The following FAT4 variants were observed in gnomAD, a reference collection of about 807,000 sequenced individuals.
FAT4 encodes FAT atypical cadherin 4.
In FAT4, 84 loss-of-function variants were observed where a neutral mutation model predicts 303.9. That is an observed-to-expected ratio of 0.28 (90% CI 0.23 to 0.33). The LOEUF (loss-of-function observed/expected upper bound fraction) is 0.33. Among genes scored for constraint, FAT4 ranks in the 10% least tolerant of loss-of-function variants. The pLI is 1.00. For synonymous variants in FAT4, 2,307 were observed against 2,298.8 expected (o/e 1.00, Z -0.10); for missense variants, 6,005 against 6,146.8 (o/e 0.98, Z 0.77).
In FAT4 at chr4:125,318,539, A is replaced by G. The variant is rs1730754955; in HGVS notation, c.2128A>G (p.Thr710Ala). ...ENEPGGSYIT[T>A]VSATDPDLGT... ...TGAGCCTGGAGGTAGCTACATCACC[A>G]CTGTGTCTGCCACTGACCCAGACTT... Residue 710 changes from threonine to alanine, a missense_variant, in exon 2 of 18, where the codon ACT (threonine) becomes GCT (alanine). Coordinates refer to ENST00000394329, the MANE Select transcript of FAT4 (RefSeq NM_001291303.3). 1 of 1,613,988 alleles carries G rather than the reference A, an allele frequency of 6.2e-7. No individual in the cohort carries two copies. The highest frequency in any genetic ancestry group is 8.5e-7 in the Non-Finnish European group (1 of 1,180,030).
chr4:125,451,219 A>G lies in FAT4; in HGVS notation c.10209A>G (p.Pro3403=). The stretch of plus-strand genomic sequence containing the variant: ...TCACCGTGCTTGATGCAAATGACCC[A>G]CCCATTTTTACTCTAAACATCTACA... ...VNVTVLDAND[P]PIFTLNIYSV... Residue 3403 remains proline (P), a synonymous_variant, in exon 10 of 18, where the codon CCA becomes CCG. Coordinates refer to ENST00000394329, the MANE Select transcript of FAT4 (RefSeq NM_001291303.3). 1 of 1,614,096 alleles carries G rather than the reference A, an allele frequency of 6.2e-7. No homozygotes were observed. The highest frequency in any genetic ancestry group is 8.5e-7 in the Non-Finnish European group (1 of 1,180,000).
In FAT4 at chr4:125,481,615, A is replaced by C. The variant is rs1727231350; in HGVS notation, c.12699A>C (p.Gln4233His). The change falls in exon 16 of 18, where the codon CAA (glutamine) becomes CAC (histidine). Residue 4233 changes from glutamine to histidine, a missense_variant. Coordinates refer to ENST00000394329, the MANE Select transcript of FAT4 (RefSeq NM_001291303.3). ...QNEKREYLLR[Q>H]SLRGAMLEPF... Reference sequence around the variant, plus strand: ...AGAAGCGGGAATATTTGTTAAGGCAAAGCTTACGAGGTGCCATGTTGGAGC... The same window carrying C: ...AGAAGCGGGAATATTTGTTAAGGCACAGCTTACGAGGTGCCATGTTGGAGC... The C allele has an allele frequency of 6.2e-7, 1 of 1,614,078 alleles. No homozygotes were observed. Among genetic ancestry groups the C allele is most frequent in the Non-Finnish European group, 8.5e-7 (1 of 1,179,958 alleles).
At chr4:125,408,310 C>G (rs1263606690) in intron 4 of FAT4, 134 bp from the exon 5 acceptor site, 1 of 561,288 alleles carries the variant, frequency 1.8e-6, no homozygotes, top group Non-Finnish European at 3.1e-6. Context: ...ATGTTATGTT[C>G]ACTGTATTTT....
chr4:125,372,664 T>C (rs62321345), intron 2 of FAT4, among the ~76,000 whole-genome samples: 45,765 of 152,046 alleles, frequency 0.3, 7,830 homozygotes, highest in Non-Finnish European at 0.39. Context: ...TCATGATTTG[T>C]TATATTGTGA....
At chr4:125,354,634 G>A (rs1732357479) in intron 2 of FAT4, among the ~76,000 whole-genome samples, 1 of 151,346 alleles carries the variant, frequency 6.6e-6, no homozygotes, top group Admixed American at 6.6e-5. Flanking sequence ...GGGTCGAATG[G>A]TGAAGGTGAA....
In FAT4 at chr4:125,408,772, T is replaced by C; in HGVS notation, c.5898T>C (p.Phe1966=). 1.3e-6 allele frequency: 2 copies of C among 1,550,590 alleles called. No individual in the cohort carries two copies. The highest frequency in any genetic ancestry group is 1.7e-6 in the Non-Finnish European group (2 of 1,144,736). Residue 1966 remains phenylalanine, a synonymous_variant, in exon 5 of 18, where the codon TTT becomes TTC. Coordinates refer to ENST00000394329, the MANE Select transcript of FAT4 (RefSeq NM_001291303.3). ...NLPVGSTVLV[F]NVTDADDGIN... ...CTGTGGGATCTACTGTTCTTGTGTT[T>C]AATGTTACTGATGCAGATGATGGTA...
intron 2 of FAT4, among the ~76,000 whole-genome samples, chr4:125,373,687 T>A (rs998793417): frequency 4.6e-5 from 7 of 152,174 alleles, no homozygotes; most frequent in Admixed American, 2.6e-4. Context: ...ATAAAAACCC[T>A]ATGACTGAGG....
intron 7 of FAT4, among the ~76,000 whole-genome samples, chr4:125,426,476 G>C (rs749872465): frequency 4.6e-5 from 7 of 151,940 alleles, no homozygotes; most frequent in Non-Finnish European, 1.0e-4. Context: ...TTCCAAAGTT[G>C]ATAACTGGTT....
chr4:125,376,533 G>T (rs1360785619), intron 2 of FAT4, among the ~76,000 whole-genome samples: 2 of 152,118 alleles, frequency 1.3e-5, no homozygotes, highest in African/African-American at 2.4e-5. Flanking sequence ...AACCAACATG[G>T]CATATGTATA....
In FAT4 at chr4:125,492,901, C is replaced by T. The variant is rs1412288803; in HGVS notation, c.*1133C>T. 1 of 152,208 alleles carries T rather than the reference C, an allele frequency of 6.6e-6. No homozygotes were observed. The highest frequency in any genetic ancestry group is 1.5e-5 in the Non-Finnish European group (1 of 67,950). The allele number at this position is 152,208 out of a possible 1,614,324, so 9.4% of individuals were successfully genotyped here. On this transcript the variant is annotated 3_prime_UTR_variant, in exon 18 of 18. Coordinates refer to ENST00000394329, the MANE Select transcript of FAT4 (RefSeq NM_001291303.3). ...CTGTATGCTTTCTACTTGTAAATGT[C>T]AACAATAGAATTAAAATATTTATTT...
chr4:125,469,677 A>T (rs1002630725), intron 12 of FAT4, among the ~76,000 whole-genome samples: 1 of 152,186 alleles, frequency 6.6e-6, no homozygotes, highest in African/African-American at 2.4e-5. Context: ...AGATTGTAGC[A>T]GCTCAATCAC....
At chr4:125,410,801 G>C (rs552802723) in intron 5 of FAT4, among the ~76,000 whole-genome samples, 1 of 152,156 alleles carries the variant, frequency 6.6e-6, no homozygotes, top group Admixed American at 6.6e-5. Context: ...GAAATACATT[G>C]ACCATTGTCT....
At position 125,468,750 on chromosome 4, in the gene FAT4, T is replaced by C. The variant is rs1475901716; in HGVS notation, c.12144T>C (p.Tyr4048=). ...CTTATAATTTAGGCAGTGGTACATA[T>C]AAGCTCACCACCATGAAGAAGGTGT... The part of the protein sequence containing the change: ...RFSYNLGSGT[Y]KLTTMKKVSD... Residue 4048 remains tyrosine, a synonymous_variant, in exon 12 of 18, where the codon TAT becomes TAC. Coordinates refer to ENST00000394329, the MANE Select transcript of FAT4 (RefSeq NM_001291303.3). 5 of 1,614,132 alleles carry C rather than the reference T, an allele frequency of 3.1e-6. No homozygotes were observed. The African/African-American group carries it at 4.0e-5, about 13-fold the overall frequency.
chr4:125,405,334 A>G (rs1484598687), intron 3 of FAT4, among the ~76,000 whole-genome samples: 1 of 152,006 alleles, frequency 6.6e-6, no homozygotes, highest in Non-Finnish European at 1.5e-5. Context: ...CAGCTGTATC[A>G]TTTTGCATTC....
intron 2 of FAT4, among the ~76,000 whole-genome samples, chr4:125,371,947 G>A (rs147308777): frequency 3.7e-4 from 57 of 152,132 alleles, no homozygotes; most frequent in African/African-American, 9.4e-4. Flanking sequence ...GTTGGCTAGC[G>A]TGTCTGCAGT....
chr4:125,456,629 T>A (rs1433019544), intron 10 of FAT4, among the ~76,000 whole-genome samples: 2 of 152,312 alleles, frequency 1.3e-5, no homozygotes, highest in East Asian at 3.9e-4. Flanking sequence ...AGAAATGTAT[T>A]GCTTAAATTT....
At chr4:125,342,731 A>G (rs911507097) in intron 2 of FAT4, among the ~76,000 whole-genome samples, 1 of 151,924 alleles carries the variant, frequency 6.6e-6, no homozygotes, top group African/African-American at 2.4e-5. Context: ...TATTACAATA[A>G]CAATATGGTC....
intron 10 of FAT4, among the ~76,000 whole-genome samples, chr4:125,456,580 AG>A (rs886098748): frequency 2.6e-5 from 4 of 152,306 alleles, no homozygotes; most frequent in African/African-American, 7.2e-5. Context: ...ATATGAAAAA[AG>A]CATAGTGAGT....
chr4:125,362,077 C>T (rs1271617184), intron 2 of FAT4, among the ~76,000 whole-genome samples: 1 of 152,136 alleles, frequency 6.6e-6, no homozygotes, highest in Non-Finnish European at 1.5e-5. Context: ...TTTCAGTCCC[C>T]TCTCTCACTA....
Sources: allele counts gnomAD v4.1 joint callset (sites outside exome capture counted in the v4.1 genomes callset), GRCh38; gene constraint gnomAD v4.1.1; transcripts MANE v1.5; gene names NCBI Gene and HGNC (gene_info 2026-07-23, HGNC 2026-07-21).